Variants in PTPRM observed in about 807,000 individuals in gnomAD.
PTPRM encodes receptor-type tyrosine-protein phosphatase mu.
PTPRM carries 47 observed loss-of-function variants against 186.7 expected under a neutral mutation model. The observed-to-expected ratio is 0.25, with a 90% CI of 0.20 to 0.32. The LOEUF is 0.32. Among genes scored for constraint, PTPRM ranks in the 10% least tolerant of loss-of-function variants. The pLI is 1.00. For missense variants in PTPRM, 1,494 were observed against 1,865.0 expected, an observed-to-expected ratio of 0.80 and a Z score of 3.66; for synonymous variants, 668 against 674.9, an observed-to-expected ratio of 0.99 and a Z score of 0.16.
At chr18:8,112,347 C>T (rs1297242145) in intron 11 of PTPRM, among the ~76,000 whole-genome samples, 1 of 152,230 alleles carries the variant, frequency 6.6e-6, no homozygotes, top group Admixed American at 6.5e-5. Context: ...TCAGAGGTCA[C>T]ATAGACGAGA....
rs867583102 is a variant in PTPRM at position 8,151,634 on chromosome 18, C to T, written c.2300+7855C>T. Among the ~76,000 whole-genome samples the T allele has an allele frequency of 7.4e-5, 11 of 149,590 alleles. 1 individual carries two copies. Among genetic ancestry groups the T allele is most frequent in the Middle Eastern group, 7.0e-3 (2 of 284 alleles). On this transcript the variant is annotated intron_variant, in intron 14 of 32. Coordinates refer to ENST00000580170, the MANE Select transcript of PTPRM (RefSeq NM_001105244.2). Reference sequence around the variant, plus strand: ...ACTTGGTTCCCTGGTTTCAGCACCCCTTTCCAGAGGAGTGAATGATTCTGT... The same window carrying T: ...ACTTGGTTCCCTGGTTTCAGCACCCTTTTCCAGAGGAGTGAATGATTCTGT...
chr18:7,976,941 T>C (rs78012578), intron 7 of PTPRM, among the ~76,000 whole-genome samples: 3,661 of 151,846 alleles, frequency 0.024, 142 homozygotes, highest in African/African-American at 0.084. Flanking sequence ...TTTTAAAGCT[T>C]GATTTTAACA....
At chr18:7,822,750 C>A (rs1345616680) in intron 2 of PTPRM, among the ~76,000 whole-genome samples, 1 of 152,178 alleles carries the variant, frequency 6.6e-6, no homozygotes. Context: ...TTCTACTCTG[C>A]CTTCTTAGTT....
rs560049633 is a variant in PTPRM, at chr18:7,615,102, G to C, written c.73+47211G>C. Among the ~76,000 whole-genome samples, 524 of 152,176 alleles carry C rather than the reference G, an allele frequency of 3.4e-3. 2 individuals carry two copies. Among genetic ancestry groups the C allele is most frequent in the South Asian group, 6.0e-3 (29 of 4,820 alleles). ...ATTATAATTGAGAATTTTTAGGAAG[G>C]TTCTTCAAAATCGTTTGTTGCTTAA... On this transcript the variant is annotated intron_variant, in intron 1 of 32. Coordinates refer to ENST00000580170, the MANE Select transcript of PTPRM (RefSeq NM_001105244.2).
chr18:7,774,008 A>C lies in PTPRM; in HGVS notation c.74-141A>C. 5.1e-6 allele frequency: 4 copies of C among 779,846 alleles called. No homozygotes were observed. In the East Asian group the frequency reaches 1.1e-4, roughly 21 times the overall value. The allele number at this position is 779,846 out of a possible 1,614,324, so 48.3% of individuals were successfully genotyped here. On this transcript the variant is annotated intron_variant, in intron 1 of 32. Coordinates refer to ENST00000580170, the MANE Select transcript of PTPRM (RefSeq NM_001105244.2). ...CAAGGGATCACTAAGTGTTGGATGC[A>C]CAGCTCCTGAGTGGAAAGACCTAAT... is the stretch of plus-strand genomic sequence containing the variant.
intron 14 of PTPRM, among the ~76,000 whole-genome samples, chr18:8,184,328 T>A (rs1484148498): frequency 6.6e-6 from 1 of 151,984 alleles, no homozygotes; most frequent in Non-Finnish European, 1.5e-5. Flanking sequence ...CTGCTGCAAC[T>A]ATGTAAAAGG....
chr18:7,714,797 C>T (rs2040289490), intron 1 of PTPRM, among the ~76,000 whole-genome samples: 1 of 152,142 alleles, frequency 6.6e-6, no homozygotes, highest in East Asian at 1.9e-4. Flanking sequence ...GACACATACA[C>T]CCTCCCAAGA....
At chr18:8,404,809 AG>A (rs2095894062) in intron 32 of PTPRM, 1 of 152,272 alleles carries the variant, frequency 6.6e-6, no homozygotes, top group South Asian at 2.1e-4. Context: ...GCCAGGTGGC[AG>A]GCAGAGGCTT....
intron 22 of PTPRM, among the ~76,000 whole-genome samples, chr18:8,336,750 C>T (rs528798543): frequency 9.9e-5 from 15 of 151,990 alleles, no homozygotes; most frequent in South Asian, 2.1e-4. Flanking sequence ...GAGGCTGAGG[C>T]GGGCAGATCA....
At chr18:7,957,481 C>G (rs990877246) in intron 7 of PTPRM, among the ~76,000 whole-genome samples, 1 of 152,202 alleles carries the variant, frequency 6.6e-6, no homozygotes. Context: ...ACGATGCGCC[C>G]TTTCCTCTTA....
chr18:8,018,300 A>T (rs950046567), intron 7 of PTPRM, among the ~76,000 whole-genome samples: 15 of 152,152 alleles, frequency 9.9e-5, no homozygotes, highest in African/African-American at 3.1e-4. Flanking sequence ...AAACAATAAT[A>T]TTAGGTATTT....
intron 7 of PTPRM, among the ~76,000 whole-genome samples, chr18:8,045,419 T>G (rs1478792172): frequency 6.6e-6 from 1 of 152,192 alleles, no homozygotes; most frequent in Non-Finnish European, 1.5e-5. Context: ...AACATATAGT[T>G]CTCATCAACT....
In PTPRM at chr18:7,991,681, T is replaced by C. The variant is rs150487639; in HGVS notation, c.1132+36267T>C. ...TCTTAGATTTGGTTTAGTTTTAAAC[T>C]AATAAAATCTTAGCTGCCTGACCCA... is the stretch of plus-strand genomic sequence containing the variant. On this transcript the variant is annotated intron_variant, in intron 7 of 32. Coordinates refer to ENST00000580170, the MANE Select transcript of PTPRM (RefSeq NM_001105244.2). Among the ~76,000 whole-genome samples the C allele has an allele frequency of 9.6e-3, 1,455 of 152,298 alleles. 7 individuals are homozygous for C. Among genetic ancestry groups the C allele is most frequent in the South Asian group, 0.033 (161 of 4,830 alleles).
intron 1 of PTPRM, among the ~76,000 whole-genome samples, chr18:7,678,577 C>T (rs1394546214): frequency 2.0e-5 from 3 of 152,116 alleles, no homozygotes. Context: ...TGTTTTTCTC[C>T]ATGTTTCTCT....
At chr18:8,115,413 T>G (rs566273263) in intron 13 of PTPRM, among the ~76,000 whole-genome samples, 111 of 152,300 alleles carry the variant, frequency 7.3e-4, no homozygotes, top group African/African-American at 2.5e-3. Context: ...CGAGTTACCC[T>G]GAGCTCCCCC....
At chr18:8,119,480 C>T (rs1050879368) in intron 13 of PTPRM, among the ~76,000 whole-genome samples, 5 of 152,138 alleles carry the variant, frequency 3.3e-5, no homozygotes, top group African/African-American at 7.2e-5. Context: ...AGCAAGACCA[C>T]TCATATATGC....
intron 30 of PTPRM, 126 bp from the exon 31 acceptor site, chr18:8,386,946 G>C: frequency 1.0e-6 from 1 of 984,350 alleles, no homozygotes; most frequent in South Asian, 1.6e-5. Context: ...AAGCCACGTT[G>C]GTAATTTGTA....
intron 2 of PTPRM, among the ~76,000 whole-genome samples, chr18:7,819,324 C>G (rs980781455): frequency 4.4e-5 from 2 of 45,436 alleles, no homozygotes; most frequent in Non-Finnish European, 1.3e-4. Context: ...CAGGTAGATA[C>G]ACAAGCTGCT....
chr18:8,266,635 T>C (rs7507046), intron 19 of PTPRM, among the ~76,000 whole-genome samples: 99,278 of 152,084 alleles, frequency 0.65, 32,537 homozygotes, highest in African/African-American at 0.7. Context: ...ATTGGCTGGA[T>C]GCCACGGCTC....
Sources: allele counts gnomAD v4.1 joint callset (sites outside exome capture counted in the v4.1 genomes callset), GRCh38; gene constraint gnomAD v4.1.1; transcripts MANE v1.5; gene names NCBI Gene and HGNC (gene_info 2026-07-23, HGNC 2026-07-21).